Variants in CNBD1 observed in about 807,000 individuals in gnomAD.
CNBD1 encodes cyclic nucleotide-binding domain-containing protein 1.
CNBD1 carries 71 observed loss-of-function variants against 54.4 expected under a neutral mutation model. The observed-to-expected ratio is 1.30, with a 90% CI of 1.08 to 1.59. The LOEUF (loss-of-function observed/expected upper bound fraction) is 1.59. Among genes scored for constraint, CNBD1 ranks in the 40% most tolerant of loss-of-function variants. The pLI is 0.00. For synonymous variants in CNBD1, 182 were observed against 170.7 expected, an observed-to-expected ratio of 1.07 and a Z score of -0.51; for missense variants, 659 against 518.0, an observed-to-expected ratio of 1.27 and a Z score of -2.64.
intron 4 of CNBD1, among the ~76,000 whole-genome samples, chr8:87,143,024 ATAAT>A (rs140402345): frequency 0.013 from 1,925 of 152,204 alleles, 44 homozygotes; most frequent in African/African-American, 0.043. Context: ...GGCTCTGTAA[ATAAT>A]TAATCACTTA....
chr8:86,970,685 T>C (rs1808199860), intron 4 of CNBD1, among the ~76,000 whole-genome samples: 1 of 152,228 alleles, frequency 6.6e-6, no homozygotes. Context: ...TAGCTTCCTC[T>C]TATAATTGAG....
intron 4 of CNBD1, among the ~76,000 whole-genome samples, chr8:87,076,111 C>T (rs1363264320): frequency 6.6e-6 from 1 of 152,106 alleles, no homozygotes; most frequent in Non-Finnish European, 1.5e-5. Flanking sequence ...GTGAGGAAGG[C>T]AGAGATTTAC....
intron 4 of CNBD1, among the ~76,000 whole-genome samples, chr8:87,119,080 C>A (rs188983517): frequency 2.6e-5 from 4 of 152,018 alleles, no homozygotes; most frequent in East Asian, 1.9e-4. Context: ...AGAACACAGG[C>A]CTTTTTTGGT....
chr8:86,928,008 T>G (rs1369798677), intron 3 of CNBD1, among the ~76,000 whole-genome samples: 2 of 152,184 alleles, frequency 1.3e-5, no homozygotes, highest in East Asian at 3.9e-4. Flanking sequence ...CCACCTTAAC[T>G]GCAGTGGAAG....
At chr8:87,325,792 A>T (rs1452916339) in intron 8 of CNBD1, among the ~76,000 whole-genome samples, 2 of 149,202 alleles carry the variant, frequency 1.3e-5, no homozygotes, top group Admixed American at 1.3e-4. Flanking sequence ...TGGAGCATTT[A>T]GTCCATTTAC....
In CNBD1 at chr8:86,905,117, AT is replaced by A; in HGVS notation, c.198del (p.Phe66LeufsTer2). The A allele has an allele frequency of 2.5e-6, 4 of 1,612,258 alleles. No homozygotes were observed. Among genetic ancestry groups the A allele is most frequent in the Admixed American group, 1.7e-5 (1 of 59,910 alleles). Reference sequence around the variant, plus strand: ...GCAATATCTTATCAGCTCACGATACATTTATGAAGCAATATCCTAAAGTATT... The same window carrying A: ...GCAATATCTTATCAGCTCACGATACATTATGAAGCAATATCCTAAAGTATT... ...MSNILSAHDT[F>X]MKQYPKVFLH... On this transcript the variant is annotated frameshift_variant, in exon 3 of 11. Transcript: ENST00000518476. LOFTEE classifies it high-confidence loss of function.
chr8:87,158,030 A>T (rs1812782012), intron 4 of CNBD1, among the ~76,000 whole-genome samples: 1 of 152,102 alleles, frequency 6.6e-6, no homozygotes, highest in Admixed American at 6.6e-5. Flanking sequence ...TTTAATGTCT[A>T]AAATTGAGTT....
At chr8:86,992,569 G>T (rs1163058189) in intron 4 of CNBD1, among the ~76,000 whole-genome samples, 1 of 151,912 alleles carries the variant, frequency 6.6e-6, no homozygotes, top group Non-Finnish European at 1.5e-5. Flanking sequence ...AGTGTCTGTG[G>T]CCTGCGCTTA....
chr8:87,165,183 A>T (rs1812936588), intron 4 of CNBD1, among the ~76,000 whole-genome samples: 1 of 151,970 alleles, frequency 6.6e-6, no homozygotes, highest in East Asian at 1.9e-4. Flanking sequence ...CTAACGTATG[A>T]TTTATTCTGA....
chr8:86,958,888 C>T (rs112621172), intron 4 of CNBD1, among the ~76,000 whole-genome samples: 22 of 151,788 alleles, frequency 1.4e-4, no homozygotes, highest in African/African-American at 5.1e-4. Context: ...TAGCTGGTTA[C>T]TTTACTCATT....
intron 4 of CNBD1, among the ~76,000 whole-genome samples, chr8:87,070,356 T>G (rs1185384831): frequency 6.6e-6 from 1 of 152,060 alleles, no homozygotes. Flanking sequence ...ACCTTTGGAA[T>G]TGTTGAAGGA....
Position 87,229,727 on chromosome 8 carries a change from G to T in CNBD1, c.578-7192G>T, listed in dbSNP as rs111361837. Among the ~76,000 whole-genome samples, 48 of 151,486 alleles carry T rather than the reference G, an allele frequency of 3.2e-4. 1 individual carries two copies. The highest frequency in any genetic ancestry group is 9.9e-4 in the African/African-American group (41 of 41,280). ...CATTTTCCTTTTTTATTCTCCCCTAGTACATCTATACAGAAGTCAACCAAA... is the reference window on the plus strand; with the variant it reads ...CATTTTCCTTTTTTATTCTCCCCTATTACATCTATACAGAAGTCAACCAAA... On this transcript the variant is annotated intron_variant, in intron 5 of 10. Coordinates refer to ENST00000518476, the MANE Select transcript of CNBD1 (RefSeq NM_173538.3).
rs1017119846 is a variant in CNBD1 at position 87,387,992 on chromosome 8, C to A, written c.213+34206C>A. ...AACTACATGGAAACTGAACAACCTG[C>A]TCCTGAATGACTACTGGGTACATAA... On this transcript the variant is annotated intron_variant, in intron 2 of 7. Transcript: ENST00000521593. Among the ~76,000 whole-genome samples the A allele has an allele frequency of 2.6e-5, 4 of 152,280 alleles. No individual in the cohort carries two copies. The East Asian group carries it at 5.8e-4, about 22-fold the overall frequency.
chr8:87,285,587 T>G (rs1385359520), intron 7 of CNBD1, among the ~76,000 whole-genome samples: 1 of 151,898 alleles, frequency 6.6e-6, no homozygotes, highest in Non-Finnish European at 1.5e-5. Flanking sequence ...AAAGACAAAA[T>G]TAGCCGGGCT....
intron 2 of CNBD1, among the ~76,000 whole-genome samples, chr8:87,426,696 G>A (rs62528195): frequency 0.044 from 6,652 of 152,190 alleles, 189 homozygotes; most frequent in Non-Finnish European, 0.06. Context: ...ATTTCTGTGA[G>A]GACTACATGA....
intron 4 of CNBD1, among the ~76,000 whole-genome samples, chr8:87,200,949 A>G (rs935575783): frequency 6.6e-6 from 1 of 152,182 alleles, no homozygotes; most frequent in East Asian, 1.9e-4. Context: ...TCAGAAGAAA[A>G]CAAAACTACA....
rs115723202 is a variant in CNBD1, at chr8:87,236,874, G to T, written c.578-45G>T. On this transcript the variant is annotated intron_variant, in intron 5 of 10. Transcript: ENST00000518476. Reference sequence around the variant, plus strand: ...ATATATTAGTCATATCTATATCAAGGAGCCTGAGCACACAGTATATATTTT... The same window carrying T: ...ATATATTAGTCATATCTATATCAAGTAGCCTGAGCACACAGTATATATTTT... The T allele has an allele frequency of 1.2e-3, 1,427 of 1,198,820 alleles. 11 individuals are homozygous for T. In the African/African-American group the frequency reaches 0.019, roughly 16 times the overall value. The allele number at this position is 1,198,820 out of a possible 1,614,324, so 74.3% of individuals were successfully genotyped here.
Position 87,163,245 on chromosome 8 carries a change from C to T in CNBD1, c.432-42748C>T, listed in dbSNP as rs1812893686. On this transcript the variant is annotated intron_variant, in intron 4 of 10. Transcript: ENST00000518476. This position sits in a 1 kb window ranked among gnomAD's most constrained non-coding sequence, Gnocchi z 4.5. ...TAAGCTTTGTAACATAATTTGAAAT[C>T]AGGAAGTGTGATGTCCCCAGCTTTG... Among the ~76,000 whole-genome samples, 2 of 151,940 alleles carry T rather than the reference C, an allele frequency of 1.3e-5. No individual in the cohort carries two copies. The highest frequency in any genetic ancestry group is 6.6e-5 in the Admixed American group (1 of 15,212).
chr8:87,273,559 G>A (rs1808412257), intron 6 of CNBD1, among the ~76,000 whole-genome samples: 1 of 151,960 alleles, frequency 6.6e-6, no homozygotes, highest in Non-Finnish European at 1.5e-5. Flanking sequence ...TGGACTAATA[G>A]GATGCAGCCT....
Sources: gnomAD v4.1 joint callset for allele counts (sites outside exome capture counted in the v4.1 genomes callset) on GRCh38, gnomAD v4.1.1 for gene constraint, Gnocchi (gnomAD v3.1) non-coding constraint, MANE v1.5 for transcripts, NCBI Gene and HGNC (gene_info 2026-07-23, HGNC 2026-07-21) for gene names.